The following ARHGAP26 variants were observed in gnomAD, a reference collection of about 807,000 sequenced individuals.
ARHGAP26 encodes Rho GTPase activating protein 26.
A neutral mutation model predicts 104.8 loss-of-function variants in ARHGAP26; 38 were observed. The ratio of observed to expected loss-of-function variants is 0.36; its 90% CI spans 0.28 to 0.48. The LOEUF is 0.48. Among genes scored for constraint, ARHGAP26 ranks in the 20% least tolerant of loss-of-function variants. The probability of loss-of-function intolerance (pLI) is 0.99; values close to 1 mark genes in which losing one functional copy is unlikely to be tolerated. For missense variants in ARHGAP26, 704 were observed against 947.9 expected, an observed-to-expected ratio of 0.74 and a Z score of 3.38; for synonymous variants, 341 against 340.0, an observed-to-expected ratio of 1.00 and a Z score of -0.03.
rs1755331993 is a variant in ARHGAP26, at chr5:142,871,696, G to T, written c.155-1704G>T. 3.3e-5 allele frequency among the ~76,000 whole-genome samples: 5 copies of T among 152,082 alleles called. No homozygotes were observed. Among genetic ancestry groups the T allele is most frequent in the Admixed American group, 3.3e-4 (5 of 15,280 alleles). On this transcript the variant is annotated intron_variant, in intron 1 of 22. Coordinates refer to ENST00000645722, the MANE Select transcript of ARHGAP26 (RefSeq NM_001135608.3). The surrounding 1 kb of genome is among the most constrained non-coding windows in gnomAD (Gnocchi z 4.1). ...CTGCCCACGGTGTTCTGGCTTTTGGGTGCATCTGTTTCCTTCCTGGCTTGC... is the reference window on the plus strand; with the variant it reads ...CTGCCCACGGTGTTCTGGCTTTTGGTTGCATCTGTTTCCTTCCTGGCTTGC...
intron 17 of ARHGAP26, among the ~76,000 whole-genome samples, chr5:143,095,590 A>G (rs1792174318): frequency 6.6e-6 from 1 of 152,176 alleles, no homozygotes; most frequent in Non-Finnish European, 1.5e-5. Context: ...TGACTGGATA[A>G]ATCATATCTT....
chr5:142,880,378 ATGG>A (rs750491233), intron 4 of ARHGAP26, among the ~76,000 whole-genome samples: 4 of 152,076 alleles, frequency 2.6e-5, no homozygotes, highest in Non-Finnish European at 5.9e-5. Flanking sequence ...TTAGCTGGGC[ATGG>A]TGGTGGGTGC....
At chr5:143,046,690 G>T (rs930947362) in intron 14 of ARHGAP26, among the ~76,000 whole-genome samples, 1 of 152,110 alleles carries the variant, frequency 6.6e-6, no homozygotes, top group Non-Finnish European at 1.5e-5. Flanking sequence ...CCAAATTTTA[G>T]CCCAACTTTT....
chr5:143,200,617 T>C (rs1456552489), intron 20 of ARHGAP26, among the ~76,000 whole-genome samples: 1 of 152,190 alleles, frequency 6.6e-6, no homozygotes, highest in Admixed American at 6.5e-5. Flanking sequence ...CGAGGAGAAA[T>C]ATGCCAAAGT....
chr5:143,138,042 AG>A (rs1290654733), intron 19 of ARHGAP26, among the ~76,000 whole-genome samples: 1 of 152,206 alleles, frequency 6.6e-6, no homozygotes, highest in Non-Finnish European at 1.5e-5. Flanking sequence ...ATTTGCCAGA[AG>A]GGGTTTTTCC....
At chr5:143,206,435 T>C (rs1252777447) in intron 20 of ARHGAP26, among the ~76,000 whole-genome samples, 1 of 152,228 alleles carries the variant, frequency 6.6e-6, no homozygotes, top group Non-Finnish European at 1.5e-5. Flanking sequence ...CTCCAAACTT[T>C]TGATTAGCTA....
intron 10 of ARHGAP26, chr5:142,915,500 A>C (rs1359241019): frequency 6.6e-6 from 1 of 152,186 alleles, no homozygotes; most frequent in Non-Finnish European, 1.5e-5. Context: ...CTGGGACTAC[A>C]GGCACTCGCC....
At chr5:143,197,422 T>G (rs1807041732) in intron 20 of ARHGAP26, among the ~76,000 whole-genome samples, 1 of 152,236 alleles carries the variant, frequency 6.6e-6, no homozygotes, top group Non-Finnish European at 1.5e-5. Context: ...AGCTATTTAG[T>G]CATTCTGGTG....
At chr5:142,913,468 G>A (rs1376471688) in intron 10 of ARHGAP26, among the ~76,000 whole-genome samples, 175 bp downstream of exon 10, 1 of 147,142 alleles carries the variant, frequency 6.8e-6, no homozygotes, top group Non-Finnish European at 1.5e-5. Context: ...TGTCCAGGGT[G>A]CTGGATCCAG....
At position 143,123,479 on chromosome 5, in the gene ARHGAP26, A is replaced by G. The variant is rs112054489; in HGVS notation, c.1698+2332A>G. 3.1e-3 allele frequency among the ~76,000 whole-genome samples: 478 copies of G among 152,332 alleles called. 1 individual carries two copies. Among genetic ancestry groups the G allele is most frequent in the African/African-American group, 0.011 (452 of 41,574 alleles). On this transcript the variant is annotated intron_variant, in intron 18 of 22. Coordinates refer to ENST00000645722, the MANE Select transcript of ARHGAP26 (RefSeq NM_001135608.3). ...AACACTTTGTATAAACTCCCTGCCAATAGAACTTAACTTTAACCATCAAAT... is the reference window on the plus strand; with the variant it reads ...AACACTTTGTATAAACTCCCTGCCAGTAGAACTTAACTTTAACCATCAAAT...
rs1791461701 is a variant in ARHGAP26 at position 143,091,731 on chromosome 5, G to A, written c.1539-29257G>A. The stretch of plus-strand genomic sequence containing the variant: ...CTCTTTTTAACCTTTTATAATTTTT[G>A]TTAAAGAGCAGGTTAGTGCTTTAAG... On this transcript the variant is annotated intron_variant, in intron 17 of 22. Coordinates refer to ENST00000645722, the MANE Select transcript of ARHGAP26 (RefSeq NM_001135608.3). 2.0e-5 allele frequency among the ~76,000 whole-genome samples: 3 copies of A among 152,158 alleles called. No homozygotes were observed. The South Asian group carries it at 6.2e-4, about 32-fold the overall frequency.
intron 1 of ARHGAP26, among the ~76,000 whole-genome samples, chr5:142,840,421 C>G (rs1770526790): frequency 6.6e-6 from 1 of 152,046 alleles, no homozygotes; most frequent in African/African-American, 2.4e-5. Context: ...AGTACATAAT[C>G]ACTGTTTTTG....
intron 21 of ARHGAP26, among the ~76,000 whole-genome samples, chr5:143,213,590 A>G (rs550522899): frequency 6.6e-6 from 1 of 152,154 alleles, no homozygotes; most frequent in East Asian, 1.9e-4. Context: ...GCCAGCTTTC[A>G]ACAGGTTCTG....
intron 11 of ARHGAP26, among the ~76,000 whole-genome samples, chr5:143,001,208 G>C (rs1777150373): frequency 6.6e-6 from 1 of 152,138 alleles, no homozygotes; most frequent in Admixed American, 6.5e-5. Flanking sequence ...AAGGAGGTCT[G>C]AGGGAACTAT....
At chr5:142,997,088 GTT>G (rs201418074) in intron 11 of ARHGAP26, among the ~76,000 whole-genome samples, 17,582 of 152,096 alleles carry the variant, frequency 0.12, 1,402 homozygotes, top group Non-Finnish European at 0.18. Flanking sequence ...GAGCATAGCT[GTT>G]TTCCAAAAAA....
At chr5:142,925,607 CA>C (rs1359542140) in intron 10 of ARHGAP26, among the ~76,000 whole-genome samples, 3 of 152,310 alleles carry the variant, frequency 2.0e-5, no homozygotes, top group Non-Finnish European at 4.4e-5. Flanking sequence ...ACTTTAGAAA[CA>C]AAGGACCACT....
At chr5:143,207,028 C>T (rs988922466) in intron 20 of ARHGAP26, among the ~76,000 whole-genome samples, 170 bp from the exon 21 acceptor site, 5 of 152,336 alleles carry the variant, frequency 3.3e-5, no homozygotes, top group African/African-American at 7.2e-5. Context: ...TTTACTTGGA[C>T]GTGGAGATTT....
At chr5:142,996,159 C>G (rs1452222223) in intron 11 of ARHGAP26, among the ~76,000 whole-genome samples, 1 of 152,086 alleles carries the variant, frequency 6.6e-6, no homozygotes, top group Non-Finnish European at 1.5e-5. Flanking sequence ...CCTGCACTTT[C>G]TGCACATGTA....
intron 11 of ARHGAP26, among the ~76,000 whole-genome samples, chr5:142,933,392 GAGGTTAAGTAA>G (rs1764992569): frequency 6.6e-6 from 1 of 152,196 alleles, no homozygotes. Flanking sequence ...GAAGCTTAGG[GAGGTTAAGTAA>G]CTTGCCCCAA....
Sources: gnomAD v4.1 joint callset for allele counts (sites outside exome capture counted in the v4.1 genomes callset) on GRCh38, gnomAD v4.1.1 for gene constraint, Gnocchi (gnomAD v3.1) non-coding constraint, MANE v1.5 for transcripts, NCBI Gene and HGNC (gene_info 2026-07-23, HGNC 2026-07-21) for gene names.